Variants in TAF1 observed in about 807,000 individuals in gnomAD.
TAF1 encodes TATA-box binding protein associated factor 1, also known as transcription initiation factor TFIID subunit 1.
A neutral mutation model predicts 138.5 loss-of-function variants in TAF1; 2 were observed. That is an observed-to-expected ratio of 0.01 (90% CI 0.01 to 0.05). The LOEUF (loss-of-function observed/expected upper bound fraction) is 0.05, where lower values mean the gene tolerates loss of function less well. Ranked by LOEUF, TAF1 falls within the 10% of genes least tolerant of loss-of-function variation. The probability of loss-of-function intolerance (pLI) is 1.00; values close to 1 mark genes in which losing one functional copy is unlikely to be tolerated. For synonymous variants in TAF1, 437 were observed against 503.2 expected (o/e 0.87, Z 1.76); for missense variants, 709 against 1,478.0 (o/e 0.48, Z 8.53).
intron 6 of TAF1, 125 bp from the exon 7 acceptor site, chrX:71,378,110 A>T (rs1169477015): frequency 1.4e-6 from 1 of 714,810 alleles, no homozygotes; most frequent in African/African-American, 2.2e-5. Context: ...CATTGTTTAC[A>T]TTCTAACTCC....
At position 71,395,178 on chromosome X, in the gene TAF1, G is replaced by A. The variant is rs151009649; in HGVS notation, c.3406+933G>A. On this transcript the variant is annotated intron_variant, in intron 22 of 37. Transcript: ENST00000423759. ...AAGGCAACCTTAAGATTTCACTCTG[G>A]GATTACTAGAAAGATGTTGGTACCA... 7.1e-3 allele frequency among the ~76,000 whole-genome samples: 787 copies of A among 111,579 alleles called. 10 individuals are homozygous for A. The highest frequency in any genetic ancestry group is 0.024 in the African/African-American group (743 of 30,742).
chrX:71,485,859 A>G (rs1409253324), intron 13 of TAF1, among the ~76,000 whole-genome samples: 1 of 111,452 alleles, frequency 9.0e-6, no homozygotes, highest in African/African-American at 3.3e-5. Flanking sequence ...ATGAAGTTCA[A>G]TTGACTTAGT....
intron 32 of TAF1, among the ~76,000 whole-genome samples, chrX:71,435,599 A>G (rs973581096): frequency 1.2e-4 from 13 of 111,511 alleles, no homozygotes; most frequent in South Asian, 1.1e-3. Flanking sequence ...GGATCATACA[A>G]TCTTATACTA....
intron 3 of TAF1, among the ~76,000 whole-genome samples, chrX:71,374,206 C>T (rs1408668570): frequency 9.0e-6 from 1 of 110,680 alleles, no homozygotes; most frequent in South Asian, 3.8e-4. Context: ...CCTCAGCCTC[C>T]CAAGTAGCTG....
At chrX:71,394,301 T>C in intron 22 of TAF1, 56 bp downstream of exon 22, 1 of 1,123,489 alleles carries the variant, frequency 8.9e-7, no homozygotes, top group Non-Finnish European at 1.2e-6. Flanking sequence ...AAAAGGAGCC[T>C]ACGTAACTGC....
At chrX:71,388,929 C>T in intron 17 of TAF1, 61 bp downstream of exon 17, 1 of 1,115,334 alleles carries the variant, frequency 9.0e-7, no homozygotes, top group Non-Finnish European at 1.2e-6. Flanking sequence ...TTTTTTCTTC[C>T]CCCCAGAGAG....
chrX:71,452,666 G>A (rs1220755119), intron 32 of TAF1, among the ~76,000 whole-genome samples: 2 of 112,059 alleles, frequency 1.8e-5, no homozygotes, highest in African/African-American at 3.2e-5. Context: ...GGTGGCGGCC[G>A]GGCAGAGGCT....
intron 13 of TAF1, among the ~76,000 whole-genome samples, chrX:71,496,744 TCTGA>T (rs755305330): frequency 1.4e-4 from 16 of 111,355 alleles, no homozygotes; most frequent in Admixed American, 1.2e-3. Flanking sequence ...TCTCTTTCTC[TCTGA>T]CTTTCTGTCT....
At chrX:71,410,187 G>A (rs984030177) in intron 28 of TAF1, among the ~76,000 whole-genome samples, 5 of 110,767 alleles carry the variant, frequency 4.5e-5, no homozygotes, top group Non-Finnish European at 7.6e-5. Flanking sequence ...CACCGCGCCC[G>A]GCCGCATTCT....
At chrX:71,516,735 C>A (rs1390092005) in intron 13 of TAF1, among the ~76,000 whole-genome samples, 1 of 107,935 alleles carries the variant, frequency 9.3e-6, no homozygotes, top group Non-Finnish European at 1.9e-5. Context: ...GATGCAGTCT[C>A]TCTCTGTCGC....
At chrX:71,380,256 G>T (rs1462767624) in intron 8 of TAF1, among the ~76,000 whole-genome samples, 1 of 109,843 alleles carries the variant, frequency 9.1e-6, no homozygotes, top group Non-Finnish European at 1.9e-5. Flanking sequence ...GCCTCACTTT[G>T]TTGCCCAGAC....
chrX:71,481,456 T>C (rs1201042370), intron 13 of TAF1, among the ~76,000 whole-genome samples: 3 of 112,812 alleles, frequency 2.7e-5, no homozygotes, highest in Non-Finnish European at 5.6e-5. Context: ...TCTGAGATAA[T>C]GGTAGAAGAT....
intron 16 of TAF1, 32 bp from the exon 17 acceptor site, chrX:71,388,706 G>C (rs1211938602): frequency 2.6e-5 from 32 of 1,209,456 alleles, no homozygotes; most frequent in Non-Finnish European, 3.6e-5. Flanking sequence ...AATTCAGAAT[G>C]GTCTCATTCT....
At chrX:71,451,493 T>C (rs2037961606) in intron 32 of TAF1, among the ~76,000 whole-genome samples, 1 of 110,285 alleles carries the variant, frequency 9.1e-6, no homozygotes, top group South Asian at 3.8e-4. Context: ...TTCCTTTTTT[T>C]TTTTTTATTG....
In TAF1 at chrX:71,381,756, T is replaced by C. The variant is rs2033904489; in HGVS notation, c.1374T>C (p.Thr458=). 3 of 1,210,322 alleles carry C rather than the reference T, an allele frequency of 2.5e-6. No individual in the cohort carries two copies. The highest frequency in any genetic ancestry group is 3.4e-6 in the Non-Finnish European group (3 of 894,681). ...AYNVQQGFAA[T]LDDDKPWYSI... is the part of the protein sequence containing the mutation. ...CACTTTGACTAGGTTTTGCAGCCAC[T>C]CTTGATGATGACAAACCTTGGTACT... The change falls in exon 9 of 38, where the codon ACT becomes ACC. Residue 458 remains threonine, a synonymous_variant. Transcript: ENST00000423759.
At chrX:71,426,901 T>G (rs971080568) in intron 32 of TAF1, among the ~76,000 whole-genome samples, 1 of 111,736 alleles carries the variant, frequency 8.9e-6, no homozygotes, top group African/African-American at 3.3e-5. Context: ...TTCTTATAAT[T>G]CCTTAAACAA....
intron 13 of TAF1, among the ~76,000 whole-genome samples, chrX:71,484,150 G>A (rs751795240): frequency 5.4e-5 from 6 of 111,345 alleles, no homozygotes; most frequent in South Asian, 7.4e-4. Context: ...GATTATAGGC[G>A]TGAGCCAGCA....
intron 32 of TAF1, among the ~76,000 whole-genome samples, chrX:71,450,618 C>T (rs1016876021): frequency 8.9e-6 from 1 of 112,278 alleles, no homozygotes; most frequent in African/African-American, 3.2e-5. Flanking sequence ...GAATCAGCCA[C>T]TTCCTTCTTT....
chrX:71,392,202 C>T (rs1209935842), intron 18 of TAF1, among the ~76,000 whole-genome samples: 1 of 111,763 alleles, frequency 8.9e-6, no homozygotes, highest in Non-Finnish European at 1.9e-5. Flanking sequence ...AGTCATTAGT[C>T]TAATTTTGAG....
Sources: gnomAD v4.1 joint callset for allele counts (sites outside exome capture counted in the v4.1 genomes callset) on GRCh38, gnomAD v4.1.1 for gene constraint, MANE v1.5 for transcripts, NCBI Gene and HGNC (gene_info 2026-07-23, HGNC 2026-07-21) for gene names.